The following SPEF2 variants were observed in gnomAD, a reference collection of about 807,000 sequenced individuals.
The protein encoded by SPEF2 is sperm flagella and cilia-associated protein 2.
In SPEF2, 187 loss-of-function variants were observed where a neutral mutation model predicts 224.6. The observed-to-expected ratio is 0.83, with a 90% CI of 0.74 to 0.94. SPEF2 has a LOEUF of 0.94. Ranked by LOEUF, SPEF2 falls within the 40% of genes least tolerant of loss-of-function variation. The pLI, the probability that SPEF2 is intolerant of heterozygous loss-of-function variation, is 0.00. For missense variants in SPEF2, 2,170 were observed against 2,135.6 expected (o/e 1.02, Z -0.32); for synonymous variants, 715 against 707.3 (o/e 1.01, Z -0.17).
chr5:35,633,101 A>T (rs1745356939), intron 2 of SPEF2: 1 of 152,140 alleles, frequency 6.6e-6, no homozygotes, highest in South Asian at 2.1e-4. Context: ...AAGAGAATGT[A>T]TATTCTATTA....
In SPEF2 at chr5:35,773,928, A is replaced by G; in HGVS notation, c.3985A>G (p.Ile1329Val). The change falls in exon 28 of 37, where the codon ATA becomes GTA. Residue 1329 changes from isoleucine (I) to valine (V), a missense_variant. By Grantham distance (29) the Ile-to-Val change is conservative. Coordinates refer to ENST00000356031, the MANE Select transcript of SPEF2 (RefSeq NM_024867.4). ...SPPMAEATPV[I>V]VTTEEIAEIK... ...ACCTATGGCAGAAGCAACTCCTGTC[A>G]TAGTAACAACAGAGGAAATTGCTGA... The G allele has an allele frequency of 1.9e-6, 3 of 1,613,324 alleles. No individual in the cohort carries two copies. Among genetic ancestry groups the G allele is most frequent in the African/African-American group, 1.3e-5 (1 of 74,990 alleles).
In SPEF2 at chr5:35,705,810, T is replaced by C; in HGVS notation, c.2665+2T>C. 1 of 1,452,726 alleles carries C rather than the reference T, an allele frequency of 6.9e-7. No individual in the cohort carries two copies. The highest frequency in any genetic ancestry group is 9.3e-7 in the Non-Finnish European group (1 of 1,070,548). The allele number at this position is 1,452,726 out of a possible 1,614,324, so 90.0% of individuals were successfully genotyped here. A position where few individuals can be genotyped will look rare whatever the true frequency, so the allele number is the denominator to read the frequency against. On this transcript the variant is annotated splice_donor_variant, in intron 18 of 36. Transcript: ENST00000356031. LOFTEE classifies it high-confidence loss of function. ...AAATAGCAAAAAAAAAGAATAAAGGTATTTACATTTGTTTATAGTTTTGAG... is the reference window on the plus strand; with the variant it reads ...AAATAGCAAAAAAAAAGAATAAAGGCATTTACATTTGTTTATAGTTTTGAG...
intron 26 of SPEF2, among the ~76,000 whole-genome samples, chr5:35,767,556 C>T (rs567488167): frequency 6.6e-6 from 1 of 151,912 alleles, no homozygotes; most frequent in South Asian, 2.1e-4. Context: ...TGTGCTATTT[C>T]CAAGCTAACA....
chr5:35,659,310 A>C (rs1749387264), intron 8 of SPEF2, 103 bp downstream of exon 8: 1 of 1,200,400 alleles, frequency 8.3e-7, no homozygotes, highest in Non-Finnish European at 1.1e-6. Context: ...ATCTAATAAG[A>C]TTTTCTTTTG....
chr5:35,655,062 A>T (rs1748772567), intron 7 of SPEF2, among the ~76,000 whole-genome samples: 1 of 152,214 alleles, frequency 6.6e-6, no homozygotes, highest in Non-Finnish European at 1.5e-5. Context: ...CTCTATTGTT[A>T]CTTTTAGAGG....
At chr5:35,701,600 T>C (rs897454730) in intron 16 of SPEF2, among the ~76,000 whole-genome samples, 9 of 152,190 alleles carry the variant, frequency 5.9e-5, no homozygotes, top group African/African-American at 2.2e-4. Flanking sequence ...CCTGATTCTA[T>C]AGGGGTCTGT....
intron 21 of SPEF2, among the ~76,000 whole-genome samples, chr5:35,729,814 G>A (rs1290265187): frequency 1.3e-5 from 2 of 152,116 alleles, no homozygotes; most frequent in African/African-American, 4.8e-5. Context: ...CAAGTCTCAC[G>A]AGATCTGATG....
At chr5:35,716,115 G>A (rs1027989843) in intron 20 of SPEF2, among the ~76,000 whole-genome samples, 4 of 151,770 alleles carry the variant, frequency 2.6e-5, no homozygotes, top group African/African-American at 9.7e-5. Context: ...AACATAACAT[G>A]CTAAAATCGA....
intron 36 of SPEF2, among the ~76,000 whole-genome samples, chr5:35,808,775 C>T (rs1758357168): frequency 6.9e-6 from 1 of 145,940 alleles, no homozygotes; most frequent in East Asian, 2.0e-4. Context: ...TATATACACA[C>T]ATATATATGT....
intron 10 of SPEF2, among the ~76,000 whole-genome samples, chr5:35,674,872 C>T (rs1449865969): frequency 6.6e-6 from 1 of 152,108 alleles, no homozygotes; most frequent in Non-Finnish European, 1.5e-5. Flanking sequence ...TGGAAACTTA[C>T]TAATTAAGTA....
Position 35,646,786 on chromosome 5 carries a change from G to A in SPEF2, c.705G>A (p.Met235Ile), listed in dbSNP as rs759006049. ...TLKALEAQKM[M>I]KKKKEAEDVA... is the part of the protein sequence containing the mutation. ...AAGCACTCGAGGCCCAAAAAATGAT[G>A]AAAAAGAAAAAAGAGGCAGAAGTAA... is the stretch of plus-strand genomic sequence containing the variant. The change falls in exon 5 of 37, where the codon ATG (methionine) becomes ATA (isoleucine). Residue 235 changes from methionine to isoleucine, a missense_variant. Physicochemically the swap from Met to Ile is conservative, Grantham distance 10. Coordinates refer to ENST00000356031, the MANE Select transcript of SPEF2 (RefSeq NM_024867.4). 1 of 1,612,862 alleles carries A rather than the reference G, an allele frequency of 6.2e-7. No individual in the cohort carries two copies. The highest frequency in any genetic ancestry group is 8.5e-7 in the Non-Finnish European group (1 of 1,179,518).
At chr5:35,649,321 T>C in intron 5 of SPEF2, 40 bp from the exon 6 acceptor site, 3 of 1,533,478 alleles carry the variant, frequency 2.0e-6, no homozygotes, top group Non-Finnish European at 2.7e-6. Flanking sequence ...TTTTCAATGG[T>C]TTTTAGAGGC....
At chr5:35,769,774 A>G (rs1425015411) in intron 26 of SPEF2, among the ~76,000 whole-genome samples, 1 of 152,142 alleles carries the variant, frequency 6.6e-6, no homozygotes, top group Admixed American at 6.6e-5. Context: ...TGGCTGGTCT[A>G]TCTCACCCAC....
rs1242358307 is a variant in SPEF2, at chr5:35,702,728, G to A, written c.2399-1826G>A. On this transcript the variant is annotated intron_variant, in intron 16 of 36. Coordinates refer to ENST00000356031, the MANE Select transcript of SPEF2 (RefSeq NM_024867.4). ...CCAGAACCTGGAGTCACATTGCCTG[G>A]AATCAAATCCCTTCTCTACCATTTA... is the stretch of plus-strand genomic sequence containing the variant. 2.0e-5 allele frequency among the ~76,000 whole-genome samples: 3 copies of A among 152,134 alleles called. No individual in the cohort carries two copies. The East Asian group carries it at 5.8e-4, about 29-fold the overall frequency.
rs1754000109 is a variant in SPEF2, at chr5:35,779,250, A to G, written c.4351A>G (p.Ile1451Val). The change falls in exon 30 of 37, where the codon ATA (isoleucine) becomes GTA (valine). Residue 1451 changes from isoleucine to valine, a missense_variant. Transcript: ENST00000356031. ...IKVFPDPPPS[I>V]RPPPVEKEED... ...AGTCTTCCCAGATCCTCCCCCATCA[A>G]TACGTCCTCCACCTGTAGAAAAGGA... 1 of 1,613,874 alleles carries G rather than the reference A, an allele frequency of 6.2e-7. No individual in the cohort carries two copies. The highest frequency in any genetic ancestry group is 1.3e-5 in the African/African-American group (1 of 74,910).
chr5:35,768,499 T>C (rs760818423), intron 26 of SPEF2, among the ~76,000 whole-genome samples: 21 of 152,178 alleles, frequency 1.4e-4, no homozygotes, highest in Admixed American at 2.6e-4. Flanking sequence ...TTAACCTCTC[T>C]AATTCTTTAG....
intron 20 of SPEF2, among the ~76,000 whole-genome samples, chr5:35,726,989 C>CT (rs1561268251): frequency 3.7e-5 from 3 of 82,080 alleles, no homozygotes; most frequent in Admixed American, 2.5e-4. Flanking sequence ...AGCACCCCCC[C>CT]CCTTTCCTCC....
chr5:35,663,865 C>T (rs532303685), intron 8 of SPEF2, among the ~76,000 whole-genome samples: 1 of 152,294 alleles, frequency 6.6e-6, no homozygotes, highest in East Asian at 1.9e-4. Flanking sequence ...ATTGAGACCT[C>T]AGCTACTGCA....
intron 34 of SPEF2, 35 bp from the exon 35 acceptor site, chr5:35,806,672 G>T: frequency 1.3e-6 from 2 of 1,581,662 alleles, no homozygotes; most frequent in Non-Finnish European, 1.7e-6. Flanking sequence ...AAAAACTTCA[G>T]TTTAACTTCA....
Sources: allele counts gnomAD v4.1 joint callset (sites outside exome capture counted in the v4.1 genomes callset), GRCh38; gene constraint gnomAD v4.1.1; transcripts MANE v1.5; gene names NCBI Gene and HGNC (gene_info 2026-07-23, HGNC 2026-07-21).